Variants in CEP135 observed in about 807,000 individuals in gnomAD.
CEP135 encodes the protein centrosomal protein 135.
Under a neutral mutation model 157.3 loss-of-function variants are expected in CEP135, and 142 were observed. That is an observed-to-expected ratio of 0.90 (90% CI 0.79 to 1.04). The LOEUF (loss-of-function observed/expected upper bound fraction) is 1.04, where lower values mean the gene tolerates loss of function less well. Among genes scored for constraint, CEP135 ranks in the 50% least tolerant of loss-of-function variants. CEP135 has a pLI of 0.00. For synonymous variants in CEP135, 396 were observed against 439.8 expected (o/e 0.90, Z 1.25); for missense variants, 1,317 against 1,309.2 (o/e 1.01, Z -0.09).
chr4:56,016,616 T>C (rs1730783554), intron 21 of CEP135, among the ~76,000 whole-genome samples: 1 of 152,106 alleles, frequency 6.6e-6, no homozygotes, highest in South Asian at 2.1e-4. Context: ...AATACTTTTC[T>C]GCAATTTTTG....
At chr4:56,008,442 A>G (rs1361978390) in intron 18 of CEP135, 60 bp downstream of exon 18, 2 of 1,302,698 alleles carry the variant, frequency 1.5e-6, no homozygotes, top group African/African-American at 2.9e-5. Flanking sequence ...ATACAGCTTT[A>G]TCTATTCAGT....
chr4:55,957,730 G>A (rs1245656344), intron 5 of CEP135, among the ~76,000 whole-genome samples: 1 of 152,188 alleles, frequency 6.6e-6, no homozygotes, highest in Non-Finnish European at 1.5e-5. Flanking sequence ...ATGAAGAGAT[G>A]TGTAACTGGA....
intron 9 of CEP135, 59 bp downstream of exon 9, chr4:55,969,187 CTG>C: frequency 7.0e-7 from 1 of 1,433,308 alleles, no homozygotes; most frequent in Non-Finnish European, 9.8e-7. Flanking sequence ...TTATGGGAGA[CTG>C]AGGTGGGTTT....
At position 56,032,460 on chromosome 4, in the gene CEP135, GA is replaced by G. The variant is rs1731387286; in HGVS notation, c.*1117del. On this transcript the variant is annotated 3_prime_UTR_variant, in exon 26 of 26. Coordinates refer to ENST00000257287, the MANE Select transcript of CEP135 (RefSeq NM_025009.5). Reference sequence around the variant, plus strand: ...ACTCTGTCTCAGAAAAAAAAAAAAAGAAAAATATATGGGGTAAATACAGTAA... The same window carrying G: ...ACTCTGTCTCAGAAAAAAAAAAAAAGAAAATATATGGGGTAAATACAGTAA... 6.9e-6 allele frequency: 1 copy of G among 145,832 alleles called. No individual in the cohort carries two copies. Among genetic ancestry groups the G allele is most frequent in the South Asian group, 2.2e-4 (1 of 4,564 alleles). The allele number at this position is 145,832 out of a possible 1,614,324, so 9.0% of individuals were successfully genotyped here.
At chr4:56,023,467 G>C (rs1391455419) in intron 24 of CEP135, among the ~76,000 whole-genome samples, 1 of 151,576 alleles carries the variant, frequency 6.6e-6, no homozygotes, top group Non-Finnish European at 1.5e-5. Flanking sequence ...GTATAAAGAA[G>C]AAAATTAAAT....
At chr4:55,961,255 A>G (rs1357279184) in intron 6 of CEP135, among the ~76,000 whole-genome samples, 3 of 152,076 alleles carry the variant, frequency 2.0e-5, no homozygotes, top group Non-Finnish European at 2.9e-5. Context: ...GTACTTTATG[A>G]ACATAAACTT....
intron 25 of CEP135, among the ~76,000 whole-genome samples, chr4:56,025,783 C>CTAA (rs1731139072): frequency 6.6e-6 from 1 of 151,662 alleles, no homozygotes; most frequent in Non-Finnish European, 1.5e-5. Flanking sequence ...ACATTGAAAG[C>CTAA]TAGGACATAA....
chr4:56,017,866 G>C lies in CEP135; in HGVS notation c.3012+9G>C. The C allele has an allele frequency of 6.2e-7, 1 of 1,607,904 alleles. No individual in the cohort carries two copies. Among genetic ancestry groups the C allele is most frequent in the Non-Finnish European group, 8.5e-7 (1 of 1,177,316 alleles). On this transcript the variant is annotated intron_variant, in intron 22 of 25. Coordinates refer to ENST00000257287, the MANE Select transcript of CEP135 (RefSeq NM_025009.5). ...ACCTTGAGTTTGAGAGGGTAAGAAA[G>C]ATAAATTGTCTTGGCACATTGTTTT...
chr4:55,951,508 C>G (rs1217493745), intron 1 of CEP135, among the ~76,000 whole-genome samples: 1 of 152,324 alleles, frequency 6.6e-6, no homozygotes, highest in Non-Finnish European at 1.5e-5. Flanking sequence ...TTCATATCAT[C>G]ATTCCCATTC....
chr4:55,957,801 T>C (rs1159702427), intron 5 of CEP135, among the ~76,000 whole-genome samples: 1 of 152,230 alleles, frequency 6.6e-6, no homozygotes, highest in Non-Finnish European at 1.5e-5. Context: ...TACATTTGAA[T>C]CATATATAAA....
At chr4:56,030,561 C>T (rs748088584) in intron 25 of CEP135, among the ~76,000 whole-genome samples, 2 of 152,188 alleles carry the variant, frequency 1.3e-5, no homozygotes, top group African/African-American at 4.8e-5. Flanking sequence ...CTCAAGCAGT[C>T]TCCCACCTTG....
chr4:55,990,982 T>C (rs1406435128), intron 14 of CEP135, among the ~76,000 whole-genome samples: 1 of 126,012 alleles, frequency 7.9e-6, no homozygotes, highest in Admixed American at 7.7e-5. Context: ...TATAATAACT[T>C]TTTTTTTTTT....
intron 15 of CEP135, among the ~76,000 whole-genome samples, chr4:55,992,401 T>C (rs1397498278): frequency 6.6e-6 from 1 of 152,242 alleles, no homozygotes; most frequent in East Asian, 1.9e-4. Flanking sequence ...AGATCATTTG[T>C]ATTTCATAGT....
chr4:55,983,180 T>A (rs564231538), intron 13 of CEP135, among the ~76,000 whole-genome samples: 1 of 152,360 alleles, frequency 6.6e-6, no homozygotes, highest in African/African-American at 2.4e-5. Flanking sequence ...GGGAAACTTC[T>A]GTGCAGTATG....
intron 25 of CEP135, among the ~76,000 whole-genome samples, chr4:56,030,107 GATC>G (rs1229471406): frequency 3.3e-5 from 5 of 152,114 alleles, no homozygotes; most frequent in African/African-American, 1.2e-4. Flanking sequence ...ATAGAGTCAG[GATC>G]ATCAATATCA....
At chr4:55,990,168 C>G (rs1314338790) in intron 14 of CEP135, among the ~76,000 whole-genome samples, 2 of 152,068 alleles carry the variant, frequency 1.3e-5, no homozygotes, top group African/African-American at 4.8e-5. Flanking sequence ...TAATTTTTGT[C>G]AAGAGTTCCA....
At chr4:55,967,516 A>T (rs1728879719) in intron 8 of CEP135, among the ~76,000 whole-genome samples, 1 of 152,170 alleles carries the variant, frequency 6.6e-6, no homozygotes, top group South Asian at 2.1e-4. Flanking sequence ...GAGGGTAGGA[A>T]TGCAGAACTC....
intron 2 of CEP135, 61 bp downstream of exon 2, chr4:55,952,304 T>C (rs762453620): frequency 3.2e-5 from 30 of 933,696 alleles, no homozygotes; most frequent in Non-Finnish European, 5.2e-5. Context: ...TCATTTCTGA[T>C]TGAACTTCAT....
At chr4:56,001,798 T>C (rs1402624839) in intron 17 of CEP135, among the ~76,000 whole-genome samples, 2 of 152,176 alleles carry the variant, frequency 1.3e-5, no homozygotes, top group Admixed American at 6.5e-5. Context: ...TTGATCGTGT[T>C]CTAATAGGGA....
Sources: allele counts gnomAD v4.1 joint callset (sites outside exome capture counted in the v4.1 genomes callset), GRCh38; gene constraint gnomAD v4.1.1; transcripts MANE v1.5; gene names NCBI Gene and HGNC (gene_info 2026-07-23, HGNC 2026-07-21).